The following ZC3H12C variants were observed in gnomAD, a reference collection of about 807,000 sequenced individuals.
ZC3H12C encodes the protein zinc finger CCCH-type containing 12C, also known as probable ribonuclease ZC3H12C.
ZC3H12C carries 20 observed loss-of-function variants against 76.3 expected under a neutral mutation model. The observed-to-expected ratio is 0.26, with a 90% CI of 0.18 to 0.38. The LOEUF (loss-of-function observed/expected upper bound fraction) is 0.38. Among genes scored for constraint, ZC3H12C ranks in the 10% least tolerant of loss-of-function variants. The probability of loss-of-function intolerance (pLI) is 1.00; values close to 1 mark genes in which losing one functional copy is unlikely to be tolerated. For synonymous variants in ZC3H12C, 352 were observed against 399.6 expected (o/e 0.88, Z 1.42); for missense variants, 874 against 1,086.5 (o/e 0.80, Z 2.75).
At chr11:110,108,646 C>T (rs1373849133) in intron 1 of ZC3H12C, among the ~76,000 whole-genome samples, 1 of 152,218 alleles carries the variant, frequency 6.6e-6, no homozygotes, top group African/African-American at 2.4e-5. Context: ...CCATCCAATA[C>T]TGTATTTTAA....
chr11:110,169,346 G>C lies in ZC3H12C; in HGVS notation c.*3609G>C, dbSNP rs1250786740. Reference sequence around the variant, plus strand: ...GGTGGGAGGATGGCTCTGGGTGTGTGTGTGTGTGTGTGTGTGTGTGTGTGT... The same window carrying C: ...GGTGGGAGGATGGCTCTGGGTGTGTCTGTGTGTGTGTGTGTGTGTGTGTGT... On this transcript the variant is annotated 3_prime_UTR_variant, in exon 6 of 6. Transcript: ENST00000278590. The C allele has an allele frequency of 9.5e-5, 6 of 62,860 alleles. No homozygotes were observed. The highest frequency in any genetic ancestry group is 9.5e-4 in the Admixed American group (6 of 6,318). The allele number at this position is 62,860 out of a possible 1,614,324, so 3.9% of individuals were successfully genotyped here. A position where few individuals can be genotyped will look rare whatever the true frequency, so the allele number is the denominator to read the frequency against.
intron 3 of ZC3H12C, among the ~76,000 whole-genome samples, chr11:110,155,874 T>C (rs1862368753): frequency 6.6e-6 from 1 of 152,052 alleles, no homozygotes; most frequent in African/African-American, 2.4e-5. Context: ...TCTAATTTTC[T>C]ACAGGGAACT....
At chr11:110,093,739 G>A (rs1445543376) in intron 1 of ZC3H12C, among the ~76,000 whole-genome samples, 4 of 152,066 alleles carry the variant, frequency 2.6e-5, no homozygotes, top group African/African-American at 9.7e-5. Context: ...CTAAGGCACC[G>A]GTCCCCGCCC....
intron 1 of ZC3H12C, among the ~76,000 whole-genome samples, chr11:110,115,698 G>C (rs1441209061): frequency 1.3e-5 from 2 of 150,810 alleles, no homozygotes; most frequent in African/African-American, 4.9e-5. Context: ...GCATCCCAGA[G>C]TATTAGAATT....
intron 1 of ZC3H12C, among the ~76,000 whole-genome samples, chr11:110,126,198 A>G (rs1861741360): frequency 6.6e-6 from 1 of 150,884 alleles, no homozygotes; most frequent in Non-Finnish European, 1.5e-5. Context: ...GAATAGGAAA[A>G]GTAGTTGTTG....
intron 2 of ZC3H12C, among the ~76,000 whole-genome samples, chr11:110,139,193 A>T (rs1399115856): frequency 6.6e-6 from 1 of 152,254 alleles, no homozygotes; most frequent in Admixed American, 6.5e-5. Flanking sequence ...AGGCAGTATT[A>T]TCTTTCTTTC....
intron 1 of ZC3H12C, among the ~76,000 whole-genome samples, chr11:110,093,892 A>G (rs1165576900): frequency 2.6e-5 from 4 of 151,912 alleles, no homozygotes; most frequent in Non-Finnish European, 2.9e-5. Flanking sequence ...AGCCCTGGCC[A>G]TTCGCTTAAC....
In ZC3H12C at chr11:110,153,062, G is replaced by C. The variant is rs759000234; in HGVS notation, c.913+4G>C. The C allele has an allele frequency of 6.2e-7, 1 of 1,609,528 alleles. No homozygotes were observed. Among genetic ancestry groups the C allele is most frequent in the Non-Finnish European group, 8.5e-7 (1 of 1,178,028 alleles). Reference sequence around the variant, plus strand: ...CGACCTGATGCTCTCATTACAGGTAGGCTTATTCCAGGCGGCTGCTTGTAC... The same window carrying C: ...CGACCTGATGCTCTCATTACAGGTACGCTTATTCCAGGCGGCTGCTTGTAC... On this transcript the variant is annotated splice_donor_region_variant and intron_variant, in intron 3 of 5. Coordinates refer to ENST00000278590, the MANE Select transcript of ZC3H12C (RefSeq NM_033390.2).
intron 1 of ZC3H12C, among the ~76,000 whole-genome samples, chr11:110,108,095 G>A (rs1051954307): frequency 2.0e-5 from 3 of 152,082 alleles, no homozygotes; most frequent in Admixed American, 6.6e-5. Flanking sequence ...CCACAGATGC[G>A]TGCCAACACA....
rs544367877 is a variant in ZC3H12C, at chr11:110,171,646, G to T, written c.*5909G>T. ...TTATGCTGGTTTGTTTTTCTTTAAT[G>T]AAGAAATTGATCTCATATGGCATCA... is the stretch of plus-strand genomic sequence containing the variant. On this transcript the variant is annotated 3_prime_UTR_variant, in exon 6 of 6. Coordinates refer to ENST00000278590, the MANE Select transcript of ZC3H12C (RefSeq NM_033390.2). The T allele has an allele frequency of 6.6e-6, 1 of 152,024 alleles. No individual in the cohort carries two copies. Among genetic ancestry groups the T allele is most frequent in the Admixed American group, 6.6e-5 (1 of 15,254 alleles). The allele number at this position is 152,024 out of a possible 1,614,324, so 9.4% of individuals were successfully genotyped here.
chr11:110,093,526 G>C, intron 1 of ZC3H12C, 94 bp downstream of exon 1: 2 of 968,520 alleles, frequency 2.1e-6, no homozygotes, highest in South Asian at 9.9e-5. Context: ...CCGCGCCCGG[G>C]CGCCAGGCGG....
intron 4 of ZC3H12C, among the ~76,000 whole-genome samples, chr11:110,159,734 GA>G (rs1268004712): frequency 6.6e-6 from 1 of 152,176 alleles, no homozygotes; most frequent in African/African-American, 2.4e-5. Flanking sequence ...TAAGGTAGAG[GA>G]AGTCTTCTAA....
intron 4 of ZC3H12C, among the ~76,000 whole-genome samples, chr11:110,160,964 G>A (rs1319296421): frequency 6.6e-6 from 1 of 151,646 alleles, no homozygotes. Flanking sequence ...AGCCTCCTGA[G>A]TAGCTGGAAT....
chr11:110,134,234 T>G (rs1861914672), intron 1 of ZC3H12C, among the ~76,000 whole-genome samples: 2 of 152,024 alleles, frequency 1.3e-5, no homozygotes, highest in Admixed American at 1.3e-4. Flanking sequence ...CAGATTGGTT[T>G]GGCAGCTGCA....
At chr11:110,139,285 C>A (rs1238539019) in intron 2 of ZC3H12C, among the ~76,000 whole-genome samples, 2 of 152,138 alleles carry the variant, frequency 1.3e-5, no homozygotes, top group Admixed American at 6.5e-5. Context: ...GACCTAAAAG[C>A]CTATATTCTT....
chr11:110,132,968 G>A (rs770786855), intron 1 of ZC3H12C, among the ~76,000 whole-genome samples: 7 of 152,028 alleles, frequency 4.6e-5, no homozygotes, highest in Non-Finnish European at 1.0e-4. Context: ...AGAACTGAAC[G>A]AAAATAAAGA....
At chr11:110,162,297 T>G (rs1273244427) in intron 4 of ZC3H12C, among the ~76,000 whole-genome samples, 1 of 152,214 alleles carries the variant, frequency 6.6e-6, no homozygotes, top group Non-Finnish European at 1.5e-5. Context: ...ACCTGGAAAG[T>G]AATTGTATTA....
chr11:110,129,416 C>T (rs1861818840), intron 1 of ZC3H12C, among the ~76,000 whole-genome samples: 1 of 151,738 alleles, frequency 6.6e-6, no homozygotes, highest in African/African-American at 2.4e-5. Context: ...TAAATAGAGA[C>T]GATCTCATTT....
chr11:110,097,730 A>T (rs1358382264), intron 1 of ZC3H12C, among the ~76,000 whole-genome samples: 8 of 152,240 alleles, frequency 5.3e-5, no homozygotes, highest in Admixed American at 6.5e-5. Context: ...TGTTAAAACA[A>T]ATACAGTCAT....
Sources: allele counts gnomAD v4.1 joint callset (sites outside exome capture counted in the v4.1 genomes callset), GRCh38; gene constraint gnomAD v4.1.1; transcripts MANE v1.5; gene names NCBI Gene and HGNC (gene_info 2026-07-23, HGNC 2026-07-21).